Variants in CSMD3 observed in about 807,000 individuals in gnomAD.
CSMD3 encodes CUB and Sushi multiple domains 3.
A neutral mutation model predicts 435.2 loss-of-function variants in CSMD3; 177 were observed. The ratio of observed to expected loss-of-function variants is 0.41; its 90% confidence interval spans 0.36 to 0.46. The LOEUF (loss-of-function observed/expected upper bound fraction) is 0.46. CSMD3 is among the 20% of genes least tolerant of loss of function. The pLI is 0.34. For missense variants in CSMD3, 4,265 were observed against 4,504.6 expected, an observed-to-expected ratio of 0.95 and a Z score of 1.52; for synonymous variants, 1,656 against 1,520.5, an observed-to-expected ratio of 1.09 and a Z score of -2.07.
chr8:113,431,577 G>A (rs975354567), intron 1 of CSMD3, among the ~76,000 whole-genome samples: 1 of 152,152 alleles, frequency 6.6e-6, no homozygotes, highest in African/African-American at 2.4e-5. Context: ...AAGCCATTTC[G>A]GAAGCCCCTG....
intron 6 of CSMD3, among the ~76,000 whole-genome samples, chr8:112,991,064 T>C (rs934645371): frequency 6.6e-6 from 1 of 151,828 alleles, no homozygotes; most frequent in Non-Finnish European, 1.5e-5. Context: ...TATCTGTCTG[T>C]ATTCATTCAC....
chr8:113,113,919 G>C (rs945115511), intron 4 of CSMD3, among the ~76,000 whole-genome samples: 1 of 152,176 alleles, frequency 6.6e-6, no homozygotes, highest in Non-Finnish European at 1.5e-5. Flanking sequence ...GAATGGTTAA[G>C]AGTATTGAGC....
rs2129853876 is a variant in CSMD3, at chr8:112,859,092, T to G, written c.1755+53A>C. On this transcript the variant is annotated intron_variant, in intron 11 of 70. Transcript: ENST00000297405. ...GCATGTTCCGTATTATTTCTTTGCC[T>G]TTGTCTTTATGATTATGACTTTTTT... 4 of 1,549,136 alleles carry G rather than the reference T, an allele frequency of 2.6e-6. No homozygotes were observed. In the South Asian group the frequency reaches 4.5e-5, roughly 17 times the overall value.
intron 1 of CSMD3, among the ~76,000 whole-genome samples, chr8:113,344,067 G>T (rs1400206706): frequency 6.6e-6 from 1 of 151,950 alleles, no homozygotes; most frequent in Non-Finnish European, 1.5e-5. Flanking sequence ...TTCTATATTA[G>T]TGTTTTTTCT....
intron 22 of CSMD3, among the ~76,000 whole-genome samples, chr8:112,623,895 T>A (rs953129066): frequency 6.6e-6 from 1 of 152,034 alleles, no homozygotes; most frequent in Non-Finnish European, 1.5e-5. Context: ...AATGAATAGA[T>A]GAGTGAATAA....
intron 13 of CSMD3, among the ~76,000 whole-genome samples, chr8:112,779,301 C>A (rs1449843353): frequency 1.3e-5 from 2 of 151,870 alleles, no homozygotes; most frequent in African/African-American, 4.8e-5. Context: ...GATTCACCCT[C>A]TTCCCTCATA....
intron 1 of CSMD3, among the ~76,000 whole-genome samples, chr8:113,387,417 G>A (rs1419184479): frequency 4.0e-5 from 6 of 151,712 alleles, no homozygotes; most frequent in Admixed American, 2.0e-4. Flanking sequence ...ACATTAGGAA[G>A]CTACTGTCTT....
At chr8:112,686,076 G>A (rs1289167869) in intron 14 of CSMD3, among the ~76,000 whole-genome samples, 2 of 152,060 alleles carry the variant, frequency 1.3e-5, no homozygotes, top group Admixed American at 1.3e-4. Flanking sequence ...AAAGCAATAA[G>A]GTTCTTGAAA....
chr8:113,365,488 T>G (rs1246576028), intron 1 of CSMD3, among the ~76,000 whole-genome samples: 3 of 152,078 alleles, frequency 2.0e-5, no homozygotes, highest in Non-Finnish European at 4.4e-5. Flanking sequence ...TCCATGTAAC[T>G]TTGGTCAGAA....
At chr8:112,937,552 T>C (rs945071284) in intron 9 of CSMD3, among the ~76,000 whole-genome samples, 23 of 152,110 alleles carry the variant, frequency 1.5e-4, no homozygotes, top group Admixed American at 1.1e-3. Flanking sequence ...GGATTCGCCA[T>C]GTTGGCCAGA....
At chr8:113,337,573 A>C (rs1183622448) in intron 1 of CSMD3, among the ~76,000 whole-genome samples, 2 of 152,124 alleles carry the variant, frequency 1.3e-5, no homozygotes, top group Non-Finnish European at 2.9e-5. Context: ...TCTTTGGTTT[A>C]GGTAATAGCT....
At position 112,307,043 on chromosome 8, in the gene CSMD3, A is replaced by C. The variant is rs183915673; in HGVS notation, c.7886-851T>G. ...GGCACTTAGAAACAGAAAAAAAAAA[A>C]CACATAATCTTTCAAATAACATGTA... On this transcript the variant is annotated intron_variant, in intron 50 of 70. Transcript: ENST00000297405. Among the ~76,000 whole-genome samples the C allele has an allele frequency of 4.5e-4, 69 of 151,918 alleles. 2 individuals are homozygous for C. The highest frequency in any genetic ancestry group is 3.1e-4 in the African/African-American group (13 of 41,442).
At chr8:112,569,732 C>G (rs894374945) in intron 24 of CSMD3, among the ~76,000 whole-genome samples, 7 of 152,150 alleles carry the variant, frequency 4.6e-5, no homozygotes, top group African/African-American at 1.2e-4. Context: ...TTGTGAGAAG[C>G]ATCAAGATAC....
At chr8:112,790,569 T>C (rs571482362) in intron 13 of CSMD3, among the ~76,000 whole-genome samples, 1 of 152,212 alleles carries the variant, frequency 6.6e-6, no homozygotes, top group African/African-American at 2.4e-5. Context: ...ATGAATGCAA[T>C]TTTCAGCCCT....
At chr8:113,012,516 C>T (rs1211123126) in intron 6 of CSMD3, among the ~76,000 whole-genome samples, 6 of 152,038 alleles carry the variant, frequency 3.9e-5, no homozygotes, top group East Asian at 3.9e-4. Context: ...ATTATGAAGG[C>T]GGTTTCCCCC....
chr8:112,522,213 G>C (rs887693298), intron 27 of CSMD3, among the ~76,000 whole-genome samples: 10 of 151,530 alleles, frequency 6.6e-5, no homozygotes, highest in Non-Finnish European at 1.3e-4. Context: ...TCATTACCCC[G>C]AATGTGAAAA....
At position 112,682,618 on chromosome 8, in the gene CSMD3, C is replaced by T; in HGVS notation, c.2501G>A (p.Cys834Tyr). The T allele has an allele frequency of 6.2e-7, 1 of 1,611,932 alleles. No individual in the cohort carries two copies. Among genetic ancestry groups the T allele is most frequent in the Non-Finnish European group, 8.5e-7 (1 of 1,178,094 alleles). ...ATTGATTGGTATTCCAGGATCAGGG[C>T]ATTCATTATGTCCAAATGCTTTAGA... Reference protein sequence around the residue: ...ITYNTFGHNECPDPGIPINAR... With the variant: ...ITYNTFGHNEYPDPGIPINAR... The change falls in exon 16 of 71, where the codon TGC becomes TAC. Residue 834 changes from cysteine to tyrosine, a missense_variant. By Grantham distance (194) the Cys-to-Tyr change is radical. Transcript: ENST00000297405.
chr8:113,046,638 A>C (rs1408636697), intron 5 of CSMD3, among the ~76,000 whole-genome samples: 3 of 152,166 alleles, frequency 2.0e-5, no homozygotes, highest in Non-Finnish European at 2.9e-5. Context: ...TGGCTTATGC[A>C]CTGCTGAAGT....
At chr8:112,343,001 T>TTATATATATATATATATATATTTA (rs34740069) in intron 41 of CSMD3, among the ~76,000 whole-genome samples, 1 of 109,678 alleles carries the variant, frequency 9.1e-6, no homozygotes, top group African/African-American at 3.5e-5. Flanking sequence ...ATATATATAT[T>TTATATATATATATATATATATTTA]TATATATATA....
Sources: gnomAD v4.1 joint callset for allele counts (sites outside exome capture counted in the v4.1 genomes callset) on GRCh38, gnomAD v4.1.1 for gene constraint, MANE v1.5 for transcripts, NCBI Gene and HGNC (gene_info 2026-07-23, HGNC 2026-07-21) for gene names.